BRD3: variants seen among roughly 807,000 people sequenced by gnomAD.
BRD3 encodes the protein bromodomain containing 3.
In BRD3, 17 loss-of-function variants were observed where a neutral mutation model predicts 66.8. The observed-to-expected ratio is 0.25, with a 90% CI of 0.17 to 0.38. The LOEUF is 0.38. BRD3 is among the 10% of genes least tolerant of loss of function. The pLI is 1.00. For missense variants in BRD3, 713 were observed against 956.1 expected (o/e 0.75, Z 3.35); for synonymous variants, 421 against 393.2 (o/e 1.07, Z -0.84).
intron 6 of BRD3, among the ~76,000 whole-genome samples, chr9:134,047,396 TG>T (rs1464502717): frequency 1.3e-5 from 2 of 152,166 alleles, no homozygotes; most frequent in Non-Finnish European, 2.9e-5. Flanking sequence ...GCCAGGAGTC[TG>T]GAAAGGTGCT....
chr9:134,047,083 G>A (rs576299209), intron 6 of BRD3, among the ~76,000 whole-genome samples: 267 of 152,324 alleles, frequency 1.8e-3, no homozygotes, highest in Middle Eastern at 3.4e-3. Context: ...GGAGCCAGGC[G>A]GCCCCGCTCG....
chr9:134,034,333 C>G (rs1843564773), intron 11 of BRD3, among the ~76,000 whole-genome samples: 1 of 152,234 alleles, frequency 6.6e-6, no homozygotes, highest in Non-Finnish European at 1.5e-5. Context: ...CTACCTCGGC[C>G]TGCCATGGAA....
In BRD3 at chr9:134,045,534, A is replaced by C; in HGVS notation, c.1087-113T>G. On this transcript the variant is annotated intron_variant, in intron 6 of 11. Transcript: ENST00000303407. This position sits in a 1 kb window ranked among gnomAD's most constrained non-coding sequence, Gnocchi z 4.8. ...CAGGAGCCACTGCCAGCTCCAGGGC[A>C]GTGCCTACTGGCCTGGCCGGCAGGA... The C allele has an allele frequency of 6.7e-7, 1 of 1,501,608 alleles. No individual in the cohort carries two copies. Among genetic ancestry groups the C allele is most frequent in the Admixed American group, 1.8e-5 (1 of 56,212 alleles). The allele number at this position is 1,501,608 out of a possible 1,614,324, so 93.0% of individuals were successfully genotyped here.
intron 1 of BRD3, among the ~76,000 whole-genome samples, chr9:134,060,669 C>T (rs1830521582): frequency 6.6e-6 from 1 of 152,008 alleles, no homozygotes. Context: ...GGGGAGAGGG[C>T]AGTGGCCAGG....
chr9:134,041,542 G>A (rs1830046363), intron 8 of BRD3, among the ~76,000 whole-genome samples: 1 of 152,202 alleles, frequency 6.6e-6, no homozygotes, highest in Non-Finnish European at 1.5e-5. Context: ...AAACATCCCA[G>A]CCACGTGTCC....
chr9:134,061,931 G>A (rs887716790), intron 1 of BRD3, among the ~76,000 whole-genome samples: 7 of 151,996 alleles, frequency 4.6e-5, no homozygotes, highest in Non-Finnish European at 1.5e-5. Context: ...CATCTAACCC[G>A]GCCAACCTAG....
Position 134,032,390 on chromosome 9 carries a change from T to C in BRD3, c.*1200A>G, listed in dbSNP as rs1436759965. 1.4e-5 allele frequency: 3 copies of C among 215,072 alleles called. No individual in the cohort carries two copies. Among genetic ancestry groups the C allele is most frequent in the East Asian group, 6.6e-5 (1 of 15,046 alleles). 13.3% of individuals were successfully genotyped at this position (215,072 alleles called of 1,614,324 possible). A position where few individuals can be genotyped will look rare whatever the true frequency, so the allele number is the denominator to read the frequency against. On this transcript the variant is annotated 3_prime_UTR_variant, in exon 12 of 12. Coordinates refer to ENST00000303407, the MANE Select transcript of BRD3 (RefSeq NM_007371.4). ...AACTAAACAAAATAAAAAATTAGAATGTGCTGTAGCTGAAAGCTGTCTATA... is the reference window on the plus strand; with the variant it reads ...AACTAAACAAAATAAAAAATTAGAACGTGCTGTAGCTGAAAGCTGTCTATA...
rs1843528155 is a variant in BRD3, at chr9:134,032,626, T to C, written c.*964A>G. 4 of 229,346 alleles carry C rather than the reference T, an allele frequency of 1.7e-5. No homozygotes were observed. Among genetic ancestry groups the C allele is most frequent in the Non-Finnish European group, 3.5e-5 (4 of 115,618 alleles). The allele number at this position is 229,346 out of a possible 1,614,324, so 14.2% of individuals were successfully genotyped here. ...CTGGCAAGGCCTGCATCTCTGCGAC[T>C]GTGTGAATGCATTTCTTCTGCGGTT... On this transcript the variant is annotated 3_prime_UTR_variant, in exon 12 of 12. Transcript: ENST00000303407.
intron 1 of BRD3, chr9:134,055,684 T>G (rs1830407193): frequency 6.5e-6 from 1 of 152,778 alleles, no homozygotes; most frequent in African/African-American, 2.4e-5. Context: ...AGGGCCCAGA[T>G]GTCAGCTCCC....
intron 1 of BRD3, among the ~76,000 whole-genome samples, chr9:134,054,873 C>T (rs991272454): frequency 2.0e-5 from 3 of 150,714 alleles, no homozygotes; most frequent in African/African-American, 7.5e-5. Flanking sequence ...ACCTCACTTC[C>T]TCCCACCCCA....
chr9:134,038,394 C>T (rs933905291), intron 9 of BRD3, among the ~76,000 whole-genome samples: 1 of 152,164 alleles, frequency 6.6e-6, no homozygotes, highest in Non-Finnish European at 1.5e-5. Flanking sequence ...GTGTGAGCCA[C>T]TGCACCTGGC....
At chr9:134,057,359 T>G (rs1445443076) in intron 1 of BRD3, 1 of 152,224 alleles carries the variant, frequency 6.6e-6, no homozygotes, top group Non-Finnish European at 1.5e-5. Flanking sequence ...TTGCAGAGTG[T>G]GGTGCTTTCA....
intron 2 of BRD3, 71 bp downstream of exon 2, chr9:134,053,194 G>A (rs1384727587): frequency 7.2e-6 from 11 of 1,526,266 alleles, no homozygotes; most frequent in African/African-American, 1.4e-5. Flanking sequence ...TTTCCAGGAT[G>A]GGGGCAGCAG....
chr9:134,047,402 G>C lies in BRD3; in HGVS notation c.1086+681C>G, dbSNP rs972391272. The stretch of plus-strand genomic sequence containing the variant: ...CAGGTGCCAGCCAGGAGTCTGGAAA[G>C]GTGCTCAGGGAAGACCCGGTGGAGC... On this transcript the variant is annotated intron_variant, in intron 6 of 11. Coordinates refer to ENST00000303407, the MANE Select transcript of BRD3 (RefSeq NM_007371.4). Among the ~76,000 whole-genome samples, 22 of 152,216 alleles carry C rather than the reference G, an allele frequency of 1.4e-4. 1 individual carries two copies. The highest frequency in any genetic ancestry group is 2.8e-4 in the Non-Finnish European group (19 of 68,034).
rs917426951 is a variant in BRD3, at chr9:134,030,366, G to A, written c.*3224C>T. On this transcript the variant is annotated 3_prime_UTR_variant, in exon 12 of 12. Coordinates refer to ENST00000303407, the MANE Select transcript of BRD3 (RefSeq NM_007371.4). ...AACAAAACAAATGCCCCAGGAGAAG[G>A]GTCCATGATTACCAGAAACATCAAA... is the stretch of plus-strand genomic sequence containing the variant. 5.8e-6 allele frequency: 1 copy of A among 172,770 alleles called. No individual in the cohort carries two copies. Among genetic ancestry groups the A allele is most frequent in the Admixed American group, 6.6e-5 (1 of 15,164 alleles). 10.7% of individuals were successfully genotyped at this position (172,770 alleles called of 1,614,324 possible).
At chr9:134,051,845 ATATGTGTGTGTGTG>A in intron 3 of BRD3, 136 bp from the exon 4 acceptor site, 1 of 725,508 alleles carries the variant, frequency 1.4e-6, no homozygotes, top group Non-Finnish European at 2.1e-6. Flanking sequence ...CAAAATGAAT[ATATGTGTGTGTGTG>A]TGTGTGTGTG....
At chr9:134,051,854 T>TAC in intron 3 of BRD3, 145 bp from the exon 4 acceptor site, 3 of 580,712 alleles carry the variant, frequency 5.2e-6, no homozygotes, top group African/African-American at 6.4e-5. Flanking sequence ...TATATGTGTG[T>TAC]GTGTGTGTGT....
rs1029921817 is a variant in BRD3 at position 134,050,572 on chromosome 9, C to T, written c.516G>A (p.Ala172=). ...GAQSAGTQQV[A]AVSSVSPATP... is the part of the protein sequence containing the mutation. Reference sequence around the variant, plus strand: ...TCGCTGGGGAGACAGAGGACACGGCCGCCACTTGCTGTGTACCTTCAAGAC... The same window carrying T: ...TCGCTGGGGAGACAGAGGACACGGCTGCCACTTGCTGTGTACCTTCAAGAC... Residue 172 remains alanine, a synonymous_variant, in exon 5 of 12, where the codon GCG becomes GCA. Coordinates refer to ENST00000303407, the MANE Select transcript of BRD3 (RefSeq NM_007371.4). The T allele has an allele frequency of 1.9e-6, 3 of 1,606,850 alleles. No individual in the cohort carries two copies. Among genetic ancestry groups the T allele is most frequent in the South Asian group, 2.2e-5 (2 of 90,632 alleles).
chr9:134,040,273 G>GA lies in BRD3; in HGVS notation c.1408-5dup. 6.3e-7 allele frequency: 1 copy of GA among 1,591,762 alleles called. No homozygotes were observed. The highest frequency in any genetic ancestry group is 8.5e-7 in the Non-Finnish European group (1 of 1,170,664). ...GCTGCTCGTGCACGGCCTTCAGCTG[G>GA]AAAAGAGCGGGCGGCTGAGCAGGTG... On this transcript the variant is annotated splice_polypyrimidine_tract_variant and splice_region_variant and intron_variant, in intron 8 of 11. Coordinates refer to ENST00000303407, the MANE Select transcript of BRD3 (RefSeq NM_007371.4).
Sources: gnomAD v4.1 joint callset for allele counts (sites outside exome capture counted in the v4.1 genomes callset) on GRCh38, gnomAD v4.1.1 for gene constraint, Gnocchi (gnomAD v3.1) non-coding constraint, MANE v1.5 for transcripts, NCBI Gene and HGNC (gene_info 2026-07-23, HGNC 2026-07-21) for gene names.